The following CSMD1 variants were observed in gnomAD, a reference collection of about 807,000 sequenced individuals.
The protein encoded by CSMD1 is CUB and Sushi multiple domains 1.
Under a neutral mutation model 417.5 loss-of-function variants are expected in CSMD1, and 213 were observed. The observed-to-expected ratio is 0.51, with a 90% CI of 0.46 to 0.57. CSMD1 has a LOEUF of 0.57. Among genes scored for constraint, CSMD1 ranks in the 20% least tolerant of loss-of-function variants. The probability of loss-of-function intolerance (pLI) is 0.00; values close to 1 mark genes in which losing one functional copy is unlikely to be tolerated. For missense variants in CSMD1, 6,923 were observed against 4,529.7 expected, an observed-to-expected ratio of 1.53 and a Z score of -15.17; for synonymous variants, 2,862 against 1,736.8, an observed-to-expected ratio of 1.65 and a Z score of -16.11.
chr8:4,331,388 T>G (rs1799861621), intron 3 of CSMD1, among the ~76,000 whole-genome samples: 1 of 152,092 alleles, frequency 6.6e-6, no homozygotes, highest in African/African-American at 2.4e-5. Flanking sequence ...TTGCGAGGTG[T>G]CTACAGTTTT....
intron 5 of CSMD1, among the ~76,000 whole-genome samples, chr8:3,955,150 G>C (rs898110437): frequency 1.1e-4 from 17 of 152,310 alleles, no homozygotes; most frequent in African/African-American, 3.8e-4. Context: ...CGGGAAGACA[G>C]AAGCACTGAC....
chr8:3,786,041 A>C (rs1799439776), intron 5 of CSMD1, among the ~76,000 whole-genome samples: 1 of 152,098 alleles, frequency 6.6e-6, no homozygotes, highest in African/African-American at 2.4e-5. Context: ...GAAGGACGGA[A>C]GAAGTGATGT....
intron 50 of CSMD1, among the ~76,000 whole-genome samples, chr8:3,048,934 C>A (rs986725783): frequency 6.7e-6 from 1 of 148,448 alleles, no homozygotes; most frequent in African/African-American, 2.5e-5. Context: ...CCTGAACAGA[C>A]ACCTCATGAA....
At chr8:4,231,976 G>C (rs929340350) in intron 3 of CSMD1, among the ~76,000 whole-genome samples, 3 of 152,048 alleles carry the variant, frequency 2.0e-5, no homozygotes, top group Non-Finnish European at 2.9e-5. Flanking sequence ...TTTTGCAAAA[G>C]GCTAATCATT....
chr8:3,744,387 C>T (rs987741478), intron 6 of CSMD1, among the ~76,000 whole-genome samples: 3 of 152,076 alleles, frequency 2.0e-5, no homozygotes, highest in Non-Finnish European at 4.4e-5. Flanking sequence ...AGATTTGGAA[C>T]CCAGGTTAAT....
chr8:4,413,951 C>G (rs911716931), intron 3 of CSMD1, among the ~76,000 whole-genome samples: 7 of 152,138 alleles, frequency 4.6e-5, no homozygotes, highest in Non-Finnish European at 8.8e-5. Context: ...TTGTTTCAAG[C>G]TCTATAATTG....
At chr8:3,494,028 T>C (rs1249003946) in intron 10 of CSMD1, among the ~76,000 whole-genome samples, 1 of 152,206 alleles carries the variant, frequency 6.6e-6, no homozygotes, top group African/African-American at 2.4e-5. Flanking sequence ...ACTTTAACAT[T>C]CTCAGTGCTT....
At chr8:3,161,442 C>G (rs988656957) in intron 38 of CSMD1, among the ~76,000 whole-genome samples, 1 of 151,842 alleles carries the variant, frequency 6.6e-6, no homozygotes, top group African/African-American at 2.4e-5. Context: ...CATGGTGAAA[C>G]CCCATCTCTA....
chr8:3,128,857 G>C, intron 41 of CSMD1: 2 of 454,536 alleles, frequency 4.4e-6, no homozygotes, highest in Non-Finnish European at 8.8e-6. Context: ...CTTGGAATGG[G>C]GTGTCAAGAC....
chr8:3,170,270 T>C (rs910133721), intron 37 of CSMD1, among the ~76,000 whole-genome samples: 18 of 152,296 alleles, frequency 1.2e-4, no homozygotes, highest in African/African-American at 3.4e-4. Context: ...TGCAGTGGTG[T>C]GATCTTGGCT....
intron 7 of CSMD1, among the ~76,000 whole-genome samples, chr8:3,639,322 A>G (rs1343248290): frequency 6.6e-6 from 1 of 152,210 alleles, no homozygotes; most frequent in Non-Finnish European, 1.5e-5. Context: ...TTGTTTCATT[A>G]AGAGAATCAG....
intron 3 of CSMD1, among the ~76,000 whole-genome samples, chr8:4,063,516 T>C (rs1196432603): frequency 6.6e-6 from 1 of 152,208 alleles, no homozygotes; most frequent in South Asian, 2.1e-4. Flanking sequence ...CTATTCTGTG[T>C]GCCACAGTTT....
chr8:3,942,879 A>G (rs1409807642), intron 5 of CSMD1, among the ~76,000 whole-genome samples: 2 of 152,202 alleles, frequency 1.3e-5, no homozygotes, highest in Non-Finnish European at 2.9e-5. Context: ...ATGTCATAAA[A>G]TCAAATGAAT....
intron 21 of CSMD1, among the ~76,000 whole-genome samples, chr8:3,357,176 C>T (rs1433898975): frequency 1.3e-5 from 2 of 152,056 alleles, no homozygotes; most frequent in Admixed American, 6.5e-5. Flanking sequence ...ACCAGAGGGG[C>T]TGGAGGAAAA....
chr8:3,718,849 C>G (rs968142233), intron 6 of CSMD1, among the ~76,000 whole-genome samples: 3 of 152,086 alleles, frequency 2.0e-5, no homozygotes, highest in Non-Finnish European at 2.9e-5. Flanking sequence ...AACTTGGAAG[C>G]AGGTGGAATT....
chr8:3,889,594 C>G (rs1157542395), intron 5 of CSMD1, among the ~76,000 whole-genome samples: 1 of 148,580 alleles, frequency 6.7e-6, no homozygotes, highest in African/African-American at 2.5e-5. Flanking sequence ...CATATATGCT[C>G]ATTAGGTCAT....
chr8:3,279,791 G>A (rs192022120), intron 26 of CSMD1, among the ~76,000 whole-genome samples: 9 of 152,226 alleles, frequency 5.9e-5, no homozygotes, highest in Admixed American at 5.9e-4. Flanking sequence ...CAGGAGAAAT[G>A]CCAGACCCTT....
intron 40 of CSMD1, among the ~76,000 whole-genome samples, chr8:3,150,439 G>C (rs988654996): frequency 6.6e-6 from 1 of 152,076 alleles, no homozygotes; most frequent in Admixed American, 6.5e-5. Flanking sequence ...TTCATTCCCC[G>C]GCCACTCTCT....
At chr8:3,223,089 A>G (rs1437077840) in intron 28 of CSMD1, among the ~76,000 whole-genome samples, 2 of 152,248 alleles carry the variant, frequency 1.3e-5, no homozygotes, top group East Asian at 3.8e-4. Context: ...GTTAGAAAAC[A>G]TCTTTGGATT....
Sources: allele counts gnomAD v4.1 joint callset (sites outside exome capture counted in the v4.1 genomes callset), GRCh38; gene constraint gnomAD v4.1.1; transcripts MANE v1.5; gene names NCBI Gene and HGNC (gene_info 2026-07-23, HGNC 2026-07-21).